The following NR1I2 variants were observed in gnomAD, a reference collection of about 807,000 sequenced individuals.
NR1I2 encodes the protein orphan nuclear receptor PAR1.
A neutral mutation model predicts 43.3 loss-of-function variants in NR1I2; 42 were observed. The ratio of observed to expected loss-of-function variants is 0.97; its 90% CI spans 0.76 to 1.26. NR1I2 has a LOEUF of 1.26. Among genes scored for constraint, NR1I2 ranks in the 50% most tolerant of loss-of-function variants. NR1I2 has a pLI of 0.00. For missense variants in NR1I2, 559 were observed against 566.7 expected (o/e 0.99, Z 0.14); for synonymous variants, 229 against 215.0 (o/e 1.06, Z -0.57).
Position 119,815,115 on chromosome 3 carries a change from A to C in NR1I2, c.931A>C (p.Thr311Pro), listed in dbSNP as rs781350413. ...CCGGCTGTCCTACTGCTTGGAAGAC[A>C]CTGCAGGTGCCCGAGAGAGCCTGCC... Residue 311 changes from threonine to proline, a missense_variant, in exon 6 of 9, where the codon ACT becomes CCT. By Grantham distance (38) the Thr-to-Pro change is conservative. Around this residue, in one of 3 missense-constraint regions of NR1I2, gnomAD observed 323 missense variants for 312.2 expected, o/e 1.03. Coordinates refer to ENST00000393716, the MANE Select transcript of NR1I2 (RefSeq NM_003889.4). The C allele has an allele frequency of 2.5e-6, 4 of 1,614,080 alleles. No homozygotes were observed. The highest frequency in any genetic ancestry group is 2.5e-6 in the Non-Finnish European group (3 of 1,180,016).
chr3:119,808,354 C>T (rs951384938), intron 2 of NR1I2, among the ~76,000 whole-genome samples: 12 of 152,244 alleles, frequency 7.9e-5, no homozygotes, highest in Admixed American at 3.3e-4. Flanking sequence ...CACAAAGGCC[C>T]ATCTTTGAGA....
intron 1 of NR1I2, among the ~76,000 whole-genome samples, chr3:119,788,481 A>C (rs2054875068): frequency 2.0e-5 from 3 of 152,146 alleles, no homozygotes; most frequent in African/African-American, 7.2e-5. Context: ...TCTCTTGCCC[A>C]GGCTGCAGTG....
intron 1 of NR1I2, chr3:119,792,483 A>T: frequency 9.2e-7 from 1 of 1,082,762 alleles, no homozygotes; most frequent in Non-Finnish European, 1.4e-6. Flanking sequence ...ATCACGTACC[A>T]GCTCTCTCGC....
intron 1 of NR1I2, among the ~76,000 whole-genome samples, chr3:119,787,759 A>G (rs2054863257): frequency 6.6e-6 from 1 of 150,472 alleles, no homozygotes; most frequent in Non-Finnish European, 1.5e-5. Flanking sequence ...ATATTTAATT[A>G]TGCGTGTGTG....
At chr3:119,815,591 G>A (rs369746810) in intron 7 of NR1I2, 135 bp from the exon 8 acceptor site, 1 of 1,017,404 alleles carries the variant, frequency 9.8e-7, no homozygotes. Flanking sequence ...GTGATGCCCA[G>A]CCCTGGTCTT....
intron 1 of NR1I2, among the ~76,000 whole-genome samples, chr3:119,801,773 T>C (rs996203940): frequency 2.0e-5 from 3 of 152,210 alleles, no homozygotes; most frequent in Non-Finnish European, 4.4e-5. Context: ...TGCAGTCACC[T>C]GGAGGCATAA....
rs756514899 is a variant in NR1I2, at chr3:119,807,398, G to T, written c.148G>T (p.Gly50Cys). The T allele has an allele frequency of 3.1e-6, 5 of 1,614,172 alleles. No individual in the cohort carries two copies. The Admixed American group carries it at 5.0e-5, about 16-fold the overall frequency. Residue 50 changes from glycine to cysteine, a missense_variant, in exon 2 of 9, where the codon GGC becomes TGC. Gly to Cys is a radical substitution (Grantham distance 159). Around this residue, in one of 3 missense-constraint regions of NR1I2, gnomAD observed 232 missense variants for 236.6 expected, o/e 0.98. Transcript: ENST00000393716. ...CCGTGTATGTGGGGACAAGGCCACTGGCTATCACTTCAATGTCATGACATG... is the reference window on the plus strand; with the variant it reads ...CCGTGTATGTGGGGACAAGGCCACTTGCTATCACTTCAATGTCATGACATG...
At chr3:119,807,190 G>C in intron 1 of NR1I2, 39 bp from the exon 2 acceptor site, 1 of 1,570,212 alleles carries the variant, frequency 6.4e-7, no homozygotes, top group East Asian at 2.2e-5. Flanking sequence ...ACACATCCCT[G>C]TCCAGTCTTT....
intron 1 of NR1I2, among the ~76,000 whole-genome samples, chr3:119,788,104 TAAA>T (rs1318159407): frequency 8.9e-6 from 1 of 111,822 alleles, no homozygotes; most frequent in Non-Finnish European, 2.2e-5. Flanking sequence ...ATTGACTTTT[TAAA>T]AAATTATTAT....
intron 1 of NR1I2, among the ~76,000 whole-genome samples, chr3:119,797,575 T>C (rs1393099337): frequency 6.6e-6 from 1 of 152,068 alleles, no homozygotes; most frequent in African/African-American, 2.4e-5. Flanking sequence ...ATTTCAATTC[T>C]ATATATATAC....
chr3:119,787,959 G>T (rs1577268022), intron 1 of NR1I2, among the ~76,000 whole-genome samples: 1 of 151,806 alleles, frequency 6.6e-6, no homozygotes, highest in Middle Eastern at 3.4e-3. Context: ...AATTCAAGTT[G>T]CCCACTCTTC....
intron 5 of NR1I2, among the ~76,000 whole-genome samples, chr3:119,813,397 C>A (rs1187985868): frequency 6.6e-6 from 1 of 152,136 alleles, no homozygotes; most frequent in Admixed American, 6.5e-5. Context: ...GCGGGTGGTC[C>A]TCAGAGCCCA....
intron 1 of NR1I2, among the ~76,000 whole-genome samples, chr3:119,790,027 C>G (rs1559783072): frequency 6.6e-6 from 1 of 152,084 alleles, no homozygotes; most frequent in Non-Finnish European, 1.5e-5. Flanking sequence ...CGTTGTGCAG[C>G]CAATCTCCAG....
intron 1 of NR1I2, among the ~76,000 whole-genome samples, chr3:119,801,126 G>A (rs1163714397): frequency 5.9e-5 from 9 of 152,172 alleles, no homozygotes; most frequent in Admixed American, 3.3e-4. Flanking sequence ...TTTTAGTCAC[G>A]TAGAAAGACT....
chr3:119,786,261 A>G (rs1378498897), intron 1 of NR1I2, among the ~76,000 whole-genome samples: 1 of 152,096 alleles, frequency 6.6e-6, no homozygotes, highest in African/African-American at 2.4e-5. Flanking sequence ...TTGCCCTCAC[A>G]CTTCAGATAT....
intron 1 of NR1I2, among the ~76,000 whole-genome samples, chr3:119,793,737 C>A (rs998187029): frequency 2.6e-5 from 4 of 152,276 alleles, no homozygotes; most frequent in Middle Eastern, 3.4e-3. Context: ...CTGCAGAGAC[C>A]CTTTTGCCAT....
At chr3:119,791,107 A>G (rs1461219514) in intron 1 of NR1I2, among the ~76,000 whole-genome samples, 1 of 152,238 alleles carries the variant, frequency 6.6e-6, no homozygotes, top group African/African-American at 2.4e-5. Context: ...CCCCCTGGGC[A>G]GCAGTCCAGC....
chr3:119,818,030 G>C lies in NR1I2; in HGVS notation c.*818G>C. 1.0e-6 allele frequency: 1 copy of C among 985,522 alleles called. No homozygotes were observed. The highest frequency in any genetic ancestry group is 1.2e-6 in the Non-Finnish European group (1 of 830,000). 61.0% of individuals were successfully genotyped at this position (985,522 alleles called of 1,614,324 possible). ...AGCAGCACAAGGAATTTCCCTGTGT[G>C]GATGCTGAGCTGTGATGGCGGGCAC... On this transcript the variant is annotated 3_prime_UTR_variant, in exon 9 of 9. Transcript: ENST00000393716.
rs1200278588 is a variant in NR1I2, at chr3:119,815,343, C to T, written c.958C>T (p.Leu320=). 1 of 1,614,054 alleles carries T rather than the reference C, an allele frequency of 6.2e-7. No homozygotes were observed. The change falls in exon 7 of 9, where the codon CTG becomes TTG. Residue 320 remains leucine, a synonymous_variant. Coordinates refer to ENST00000393716, the MANE Select transcript of NR1I2 (RefSeq NM_003889.4). ...CACAGGTGGCTTCCAGCAACTTCTA[C>T]TGGAGCCCATGCTGAAATTCCACTA... is the stretch of plus-strand genomic sequence containing the variant.
Sources: gnomAD v4.1 joint callset for allele counts (sites outside exome capture counted in the v4.1 genomes callset) on GRCh38, gnomAD v4.1.1 for gene constraint, gnomAD v4.1.1 regional missense constraint, MANE v1.5 for transcripts, NCBI Gene and HGNC (gene_info 2026-07-23, HGNC 2026-07-21) for gene names.